Variants in DENND1B observed in about 807,000 individuals in gnomAD.
DENND1B encodes DENN domain containing 1B, also known as DENN domain-containing protein 1B.
In DENND1B, 59 loss-of-function variants were observed where a neutral mutation model predicts 90.1. That is an observed-to-expected ratio of 0.65 (90% CI 0.53 to 0.81). The LOEUF is 0.81. Ranked by LOEUF, DENND1B falls within the 40% of genes least tolerant of loss-of-function variation. The pLI, the probability that DENND1B is intolerant of heterozygous loss-of-function variation, is 0.00. For missense variants in DENND1B, 862 were observed against 912.6 expected (o/e 0.94, Z 0.71); for synonymous variants, 337 against 324.6 (o/e 1.04, Z -0.41).
At chr1:197,747,901 A>G (rs1307122583) in intron 2 of DENND1B, among the ~76,000 whole-genome samples, 2 of 152,318 alleles carry the variant, frequency 1.3e-5, no homozygotes, top group South Asian at 2.1e-4. Flanking sequence ...TGCCATAGAT[A>G]ATAAAGTCCT....
intron 2 of DENND1B, among the ~76,000 whole-genome samples, chr1:197,748,000 C>G (rs1652928000): frequency 6.6e-6 from 1 of 152,120 alleles, no homozygotes; most frequent in South Asian, 2.1e-4. Flanking sequence ...AGAATAAAAT[C>G]TCAAACTCTA....
At chr1:197,613,291 C>A (rs1341630845) in intron 11 of DENND1B, among the ~76,000 whole-genome samples, 1 of 150,720 alleles carries the variant, frequency 6.6e-6, no homozygotes, top group Non-Finnish European at 1.5e-5. Flanking sequence ...TCTATATATC[C>A]AGAATTTACA....
intron 13 of DENND1B, among the ~76,000 whole-genome samples, chr1:197,603,937 C>G (rs1676432085): frequency 6.6e-6 from 1 of 150,868 alleles, no homozygotes; most frequent in Non-Finnish European, 1.5e-5. Context: ...TTTTTCTCAC[C>G]CTTATAAACA....
chr1:197,699,389 T>C (rs1306182136), intron 3 of DENND1B, among the ~76,000 whole-genome samples: 6 of 152,134 alleles, frequency 3.9e-5, no homozygotes, highest in African/African-American at 1.4e-4. Context: ...CTCAATAAAA[T>C]AAATATTGAT....
At chr1:197,723,143 G>A (rs192985453) in intron 2 of DENND1B, among the ~76,000 whole-genome samples, 169 of 152,146 alleles carry the variant, frequency 1.1e-3, no homozygotes, top group African/African-American at 4.0e-3. Flanking sequence ...TAATGAAAAT[G>A]GAACTTCAAA....
chr1:197,601,707 C>A (rs1299810033), intron 13 of DENND1B, among the ~76,000 whole-genome samples: 3 of 151,454 alleles, frequency 2.0e-5, no homozygotes, highest in African/African-American at 4.8e-5. Flanking sequence ...AGTACAGAGA[C>A]ATAAAGGGGG....
intron 20 of DENND1B, among the ~76,000 whole-genome samples, chr1:197,518,826 G>A (rs937693118): frequency 6.6e-6 from 1 of 151,852 alleles, no homozygotes; most frequent in Non-Finnish European, 1.5e-5. Flanking sequence ...AGATTATTAT[G>A]AACACAAGTG....
chr1:197,575,706 G>A (rs988402362), intron 15 of DENND1B, among the ~76,000 whole-genome samples: 1 of 152,186 alleles, frequency 6.6e-6, no homozygotes, highest in Non-Finnish European at 1.5e-5. Context: ...TGATAGACTG[G>A]ATTAAGAAAA....
intron 3 of DENND1B, among the ~76,000 whole-genome samples, chr1:197,703,544 C>T (rs1250735538): frequency 6.6e-6 from 1 of 152,050 alleles, no homozygotes; most frequent in East Asian, 1.9e-4. Context: ...TTTTCATCAT[C>T]ATCATTTTGA....
chr1:197,679,628 A>G (rs1402912119), intron 3 of DENND1B, among the ~76,000 whole-genome samples: 1 of 150,100 alleles, frequency 6.7e-6, no homozygotes, highest in Non-Finnish European at 1.5e-5. Context: ...TTATAAAAAT[A>G]TATATGTATC....
intron 15 of DENND1B, among the ~76,000 whole-genome samples, chr1:197,555,850 T>C (rs1671669996): frequency 6.6e-6 from 1 of 152,058 alleles, no homozygotes; most frequent in Admixed American, 6.6e-5. Flanking sequence ...AATCCCCATA[T>C]TGGGTATATA....
chr1:197,627,223 G>A (rs559126790), intron 10 of DENND1B, among the ~76,000 whole-genome samples: 3 of 151,380 alleles, frequency 2.0e-5, no homozygotes, highest in African/African-American at 4.8e-5. Flanking sequence ...GAGACACACC[G>A]AAAAAAGAGA....
intron 2 of DENND1B, among the ~76,000 whole-genome samples, chr1:197,753,097 T>C (rs1653789183): frequency 6.6e-6 from 1 of 151,710 alleles, no homozygotes; most frequent in Non-Finnish European, 1.5e-5. Flanking sequence ...AATTTAAACT[T>C]CTGAATAAAG....
intron 16 of DENND1B, chr1:197,552,630 T>C: frequency 1.0e-6 from 1 of 998,324 alleles, no homozygotes; most frequent in Non-Finnish European, 1.2e-6. Context: ...TCTTTTTGGA[T>C]TGTATTACCA....
chr1:197,600,481 C>T (rs1022391913), intron 13 of DENND1B, among the ~76,000 whole-genome samples: 5 of 151,666 alleles, frequency 3.3e-5, no homozygotes, highest in African/African-American at 7.3e-5. Context: ...CTTTACTCTA[C>T]GGCAAGGTAG....
chr1:197,539,918 A>G (rs748007183), intron 20 of DENND1B, 46 bp downstream of exon 20: 3 of 1,414,202 alleles, frequency 2.1e-6, no homozygotes. Context: ...CTGGAATTAT[A>G]TAATTTGAGA....
intron 5 of DENND1B, among the ~76,000 whole-genome samples, chr1:197,671,781 C>T (rs1308443390): frequency 3.3e-5 from 5 of 151,942 alleles, no homozygotes; most frequent in African/African-American, 1.2e-4. Flanking sequence ...TATTTGAATA[C>T]ATCTCTTTAT....
chr1:197,695,105 A>G (rs1190291703), intron 3 of DENND1B, among the ~76,000 whole-genome samples: 1 of 151,268 alleles, frequency 6.6e-6, no homozygotes, highest in Non-Finnish European at 1.5e-5. Context: ...CAGGTAAAAT[A>G]AGAATGTGAT....
At chr1:197,714,194 C>T (rs953334945) in intron 3 of DENND1B, among the ~76,000 whole-genome samples, 10 of 151,098 alleles carry the variant, frequency 6.6e-5, no homozygotes. Context: ...AGGCTGGTCT[C>T]GAACTCCTGA....
Sources: gnomAD v4.1 joint callset for allele counts (sites outside exome capture counted in the v4.1 genomes callset) on GRCh38, gnomAD v4.1.1 for gene constraint, MANE v1.5 for transcripts, NCBI Gene and HGNC (gene_info 2026-07-23, HGNC 2026-07-21) for gene names.